Variants in RERE observed in about 807,000 individuals in gnomAD.
RERE encodes arginine-glutamic acid dipeptide repeats, also known as arginine-glutamic acid dipeptide repeats protein.
In RERE, 40 loss-of-function variants were observed where a neutral mutation model predicts 146.1. The observed-to-expected ratio is 0.27, with a 90% CI of 0.21 to 0.36. The LOEUF is 0.36. Among genes scored for constraint, RERE ranks in the 10% least tolerant of loss-of-function variants. The probability of loss-of-function intolerance (pLI) is 1.00; values close to 1 mark genes in which losing one functional copy is unlikely to be tolerated. For missense variants in RERE, 1,933 were observed against 2,138.7 expected, an observed-to-expected ratio of 0.90 and a Z score of 1.90; for synonymous variants, 1,003 against 866.0, an observed-to-expected ratio of 1.16 and a Z score of -2.78.
chr1:8,569,321 T>G (rs10492964), intron 4 of RERE, among the ~76,000 whole-genome samples: 42,362 of 151,500 alleles, frequency 0.28, 7,901 homozygotes, highest in East Asian at 0.77. Context: ...ATACTTTGGT[T>G]GTTGTTTGGT....
chr1:8,771,257 C>T (rs1032998088), intron 1 of RERE, among the ~76,000 whole-genome samples: 3 of 152,130 alleles, frequency 2.0e-5, no homozygotes, highest in African/African-American at 7.2e-5. Flanking sequence ...GGCGTGGTGG[C>T]TCACACCTAA....
At chr1:8,574,423 C>A (rs762236986) in intron 4 of RERE, among the ~76,000 whole-genome samples, 55 of 141,810 alleles carry the variant, frequency 3.9e-4, no homozygotes, top group Non-Finnish European at 6.4e-4. Context: ...CGGCTCACTG[C>A]AAGCTCCGCC....
At chr1:8,646,710 A>C (rs1014144807) in intron 2 of RERE, among the ~76,000 whole-genome samples, 3 of 152,232 alleles carry the variant, frequency 2.0e-5, no homozygotes, top group Non-Finnish European at 4.4e-5. Flanking sequence ...GTAGATAGAC[A>C]CAGAGATATG....
intron 1 of RERE, among the ~76,000 whole-genome samples, chr1:8,694,791 G>A (rs559431429): frequency 1.3e-5 from 2 of 151,946 alleles, no homozygotes; most frequent in Admixed American, 1.3e-4. Context: ...GACACAAATG[G>A]AAAAACATTT....
At chr1:8,397,697 G>A (rs558091444) in intron 12 of RERE, among the ~76,000 whole-genome samples, 4 of 151,746 alleles carry the variant, frequency 2.6e-5, no homozygotes, top group South Asian at 4.2e-4. Context: ...GAGGATCCAC[G>A]CGCCTTAGAC....
intron 12 of RERE, among the ~76,000 whole-genome samples, chr1:8,376,729 C>G (rs140279253): frequency 2.4e-4 from 37 of 152,354 alleles, no homozygotes; most frequent in African/African-American, 8.7e-4. Flanking sequence ...AAGGTAGAGT[C>G]CCTAAAGAGA....
At chr1:8,663,622 A>G (rs1488039490) in intron 1 of RERE, among the ~76,000 whole-genome samples, 6 of 152,194 alleles carry the variant, frequency 3.9e-5, no homozygotes, top group Admixed American at 3.9e-4. Context: ...CAGCCAGCAT[A>G]TCTGACGTCC....
In RERE at chr1:8,358,275, G is replaced by C; in HGVS notation, c.4260C>G (p.Phe1420Leu). Residue 1420 changes from phenylalanine to leucine, a missense_variant, in exon 20 of 23, where the codon TTC becomes TTG. Physicochemically the swap from Phe to Leu is conservative, Grantham distance 22. This residue lies in a region of RERE where 47 missense variants were observed against 58.6 expected (regional missense o/e 0.80). Coordinates refer to ENST00000400908, the MANE Select transcript of RERE (RefSeq NM_001042681.2). ...TSDPLARLQMFNVTPHHHQHS... is the reference protein window; with the variant it reads ...TSDPLARLQMLNVTPHHHQHS... ...GCTGGTGATGGTGCGGAGTCACGTT[G>C]AACATCTGCAGTCGGGCCAGGGGAT... The C allele has an allele frequency of 6.2e-7, 1 of 1,613,702 alleles. No homozygotes were observed. Among genetic ancestry groups the C allele is most frequent in the Non-Finnish European group, 8.5e-7 (1 of 1,179,644 alleles).
At chr1:8,671,140 T>C (rs1270873899) in intron 1 of RERE, among the ~76,000 whole-genome samples, 1 of 152,198 alleles carries the variant, frequency 6.6e-6, no homozygotes, top group Non-Finnish European at 1.5e-5. Flanking sequence ...CTAGGAGTCC[T>C]CAGTGCACAA....
At chr1:8,536,064 C>T (rs535860682) in intron 7 of RERE, among the ~76,000 whole-genome samples, 2 of 151,088 alleles carry the variant, frequency 1.3e-5, no homozygotes, top group African/African-American at 2.4e-5. Context: ...CGAGATCACA[C>T]CACTGCACTC....
chr1:8,617,275 G>A (rs1349052296), intron 3 of RERE, among the ~76,000 whole-genome samples: 7 of 142,768 alleles, frequency 4.9e-5, no homozygotes, highest in East Asian at 2.3e-4. Flanking sequence ...ACCCAGAGGC[G>A]GAGGCTGGAA....
intron 6 of RERE, among the ~76,000 whole-genome samples, chr1:8,548,241 G>A (rs568498188): frequency 3.9e-5 from 6 of 152,306 alleles, no homozygotes; most frequent in African/African-American, 1.2e-4. Context: ...AGCAAGGTGG[G>A]AGCGAAGAGG....
intron 1 of RERE, among the ~76,000 whole-genome samples, chr1:8,705,874 T>TG (rs1443960621): frequency 6.6e-6 from 1 of 152,122 alleles, no homozygotes; most frequent in Admixed American, 6.5e-5. Flanking sequence ...CCCAGCACTT[T>TG]GGGAGGCCGA....
intron 2 of RERE, among the ~76,000 whole-genome samples, chr1:8,653,611 C>T (rs1054214579): frequency 1.4e-5 from 2 of 144,594 alleles, no homozygotes; most frequent in Admixed American, 7.3e-5. Context: ...AGGAGAATGG[C>T]GTGAACCCGG....
intron 9 of RERE, 127 bp downstream of exon 9, chr1:8,497,278 A>AG: frequency 1.0e-6 from 1 of 972,472 alleles, no homozygotes; most frequent in Admixed American, 2.6e-5. Context: ...CAGAGGGTGT[A>AG]ACCAAACTTA....
chr1:8,796,004 C>CAA (rs1641467049), intron 1 of RERE, among the ~76,000 whole-genome samples: 1 of 130,582 alleles, frequency 7.7e-6, no homozygotes, highest in African/African-American at 3.0e-5. Context: ...AAAAACAAAA[C>CAA]AAAACAGGAA....
At chr1:8,680,165 G>A (rs1410718168) in intron 1 of RERE, among the ~76,000 whole-genome samples, 1 of 152,062 alleles carries the variant, frequency 6.6e-6, no homozygotes, top group African/African-American at 2.4e-5. Flanking sequence ...GTGGAAAATG[G>A]AGAAAGCCAG....
intron 1 of RERE, among the ~76,000 whole-genome samples, chr1:8,676,965 C>T (rs1638853209): frequency 6.6e-6 from 1 of 152,030 alleles, no homozygotes; most frequent in Admixed American, 6.5e-5. Context: ...TTCAAGAAAC[C>T]ACTCCTCCAG....
chr1:8,795,931 G>A (rs904300792), intron 1 of RERE, among the ~76,000 whole-genome samples: 4 of 143,912 alleles, frequency 2.8e-5, no homozygotes, highest in South Asian at 4.3e-4. Flanking sequence ...GTGGTGAGCC[G>A]CGATTGCACC....
Sources: allele counts gnomAD v4.1 joint callset (sites outside exome capture counted in the v4.1 genomes callset), GRCh38; gene constraint gnomAD v4.1.1; regional missense constraint gnomAD v4.1.1; transcripts MANE v1.5; gene names NCBI Gene and HGNC (gene_info 2026-07-23, HGNC 2026-07-21).